Variants in KCNN2 observed in about 807,000 individuals in gnomAD.
KCNN2 encodes potassium calcium-activated channel subfamily N member 2.
In KCNN2, 24 loss-of-function variants were observed where a neutral mutation model predicts 55.5. The observed-to-expected ratio is 0.43, with a 90% CI of 0.31 to 0.61. The LOEUF is 0.61. Ranked by LOEUF, KCNN2 falls within the 20% of genes least tolerant of loss-of-function variation. The pLI, the probability that KCNN2 is intolerant of heterozygous loss-of-function variation, is 0.08. For missense variants in KCNN2, 754 were observed against 853.6 expected, an observed-to-expected ratio of 0.88 and a Z score of 1.45; for synonymous variants, 431 against 336.1, an observed-to-expected ratio of 1.28 and a Z score of -3.09.
At chr5:114,079,039 C>G (rs751587843) in intron 1 of KCNN2, among the ~76,000 whole-genome samples, 6 of 152,010 alleles carry the variant, frequency 3.9e-5, no homozygotes, top group Non-Finnish European at 7.4e-5. Context: ...TTTAATGACC[C>G]AAGTATATTG....
At chr5:114,103,220 A>G (rs1003477110) in intron 1 of KCNN2, among the ~76,000 whole-genome samples, 3 of 152,116 alleles carry the variant, frequency 2.0e-5, no homozygotes, top group African/African-American at 7.2e-5. Context: ...GAGTACACTC[A>G]TGATTTGGTT....
chr5:114,253,099 C>T (rs892468364), intron 2 of KCNN2, among the ~76,000 whole-genome samples: 1 of 149,284 alleles, frequency 6.7e-6, no homozygotes, highest in Non-Finnish European at 1.5e-5. Flanking sequence ...TCCATTTTTG[C>T]TCTTAGTAGA....
chr5:114,135,080 A>G (rs1051393014), intron 1 of KCNN2, among the ~76,000 whole-genome samples: 3 of 152,214 alleles, frequency 2.0e-5, no homozygotes, highest in Non-Finnish European at 4.4e-5. Context: ...ACAACGTCAG[A>G]AGCATTTTAA....
chr5:114,199,023 G>A (rs1753615874), intron 1 of KCNN2, among the ~76,000 whole-genome samples: 1 of 151,946 alleles, frequency 6.6e-6, no homozygotes, highest in African/African-American at 2.4e-5. Context: ...GCTATGAGTG[G>A]GGTATTAAAG....
intron 3 of KCNN2, among the ~76,000 whole-genome samples, chr5:114,449,908 A>ACACACACACACACG (rs1309590184): frequency 1.1e-4 from 7 of 66,182 alleles, no homozygotes; most frequent in African/African-American, 2.4e-4. Flanking sequence ...ACACACACAC[A>ACACACACACACACG]CGCGCGCGCT....
intron 2 of KCNN2, chr5:114,253,554 G>C (rs1293582822): frequency 1.9e-5 from 3 of 155,154 alleles, no homozygotes; most frequent in African/African-American, 4.8e-5. Flanking sequence ...TGAGTGCCAG[G>C]GTTGATTCAG....
Position 114,249,408 on chromosome 5 carries a change from TCC to T in KCNN2, c.-185+27845_-185+27846del, listed in dbSNP as rs1457935468. On this transcript the variant is annotated intron_variant, in intron 2 of 10. Transcript: ENST00000512097. ...GTTCAAGCCATCTCCTGCCTCAGCC[TCC>T]CAAGTAGCTGGGATTACAGGTGCGT... Among the ~76,000 whole-genome samples the T allele has an allele frequency of 2.6e-5, 4 of 151,854 alleles. No individual in the cohort carries two copies. In the East Asian group the frequency reaches 5.8e-4, roughly 22 times the overall value.
At chr5:114,212,867 T>C (rs985084621) in intron 1 of KCNN2, among the ~76,000 whole-genome samples, 2 of 152,064 alleles carry the variant, frequency 1.3e-5, no homozygotes, top group African/African-American at 2.4e-5. Context: ...CTCAAAACTT[T>C]TCTGATTTAT....
chr5:114,305,085 A>G (rs766110979), intron 2 of KCNN2, among the ~76,000 whole-genome samples: 21 of 152,238 alleles, frequency 1.4e-4, no homozygotes, highest in South Asian at 4.1e-4. Flanking sequence ...ATTCTTAACT[A>G]TAATAGGAGA....
intron 1 of KCNN2, among the ~76,000 whole-genome samples, chr5:114,077,604 C>T (rs919209788): frequency 6.6e-6 from 1 of 152,208 alleles, no homozygotes; most frequent in African/African-American, 2.4e-5. Flanking sequence ...CATTCCCTTC[C>T]TCCTTTCACA....
At chr5:114,354,609 A>G (rs1757266103) in intron 2 of KCNN2, among the ~76,000 whole-genome samples, 1 of 152,164 alleles carries the variant, frequency 6.6e-6, no homozygotes, top group Non-Finnish European at 1.5e-5. Flanking sequence ...ATCAAATAGC[A>G]TTGAAGTTTT....
intron 2 of KCNN2, among the ~76,000 whole-genome samples, chr5:114,303,931 C>T (rs1025990057): frequency 1.3e-5 from 2 of 152,096 alleles, no homozygotes; most frequent in African/African-American, 4.8e-5. Context: ...GCAGAGATGT[C>T]CTCTTGGCAG....
At position 114,248,196 on chromosome 5, in the gene KCNN2, AG is replaced by A. The variant is rs563591025; in HGVS notation, c.-185+26636del. 9.7e-4 allele frequency among the ~76,000 whole-genome samples: 148 copies of A among 152,296 alleles called. 2 individuals carry two copies. Among genetic ancestry groups the A allele is most frequent in the African/African-American group, 3.4e-3 (142 of 41,572 alleles). ...GACAGGAAAGAGGGAAGTGTATATT[AG>A]GGGGTTAGGATGATTCAAATACGCA... is the stretch of plus-strand genomic sequence containing the variant. On this transcript the variant is annotated intron_variant, in intron 2 of 10. Transcript: ENST00000512097.
chr5:114,255,021 T>C (rs1409440711), intron 2 of KCNN2, among the ~76,000 whole-genome samples: 2 of 152,114 alleles, frequency 1.3e-5, no homozygotes, highest in African/African-American at 4.8e-5. Context: ...GCACCAAAAA[T>C]GGAATGGCTC....
chr5:114,262,025 G>A (rs753174371), intron 2 of KCNN2, among the ~76,000 whole-genome samples: 6 of 152,136 alleles, frequency 3.9e-5, no homozygotes, highest in Admixed American at 3.9e-4. Context: ...GGGTGGCATG[G>A]CCTTTATTAA....
chr5:114,095,788 T>G (rs1035675932), intron 1 of KCNN2, among the ~76,000 whole-genome samples: 1 of 152,102 alleles, frequency 6.6e-6, no homozygotes, highest in African/African-American at 2.4e-5. Flanking sequence ...CTTAGACATA[T>G]CTCCTTGTGT....
rs531570118 is a variant in KCNN2, at chr5:114,288,321, T to C, written c.-185+66756T>C. Among the ~76,000 whole-genome samples, 4 of 152,318 alleles carry C rather than the reference T, an allele frequency of 2.6e-5. No individual in the cohort carries two copies. The East Asian group carries it at 7.7e-4, about 29-fold the overall frequency. The stretch of plus-strand genomic sequence containing the variant: ...TTACATGTAATTGTTTGAATACCAC[T>C]TTTCAATTATTTTTAAGTATATACT... On this transcript the variant is annotated intron_variant, in intron 2 of 10. Transcript: ENST00000512097.
At chr5:114,331,299 G>A (rs1756817931) in intron 2 of KCNN2, among the ~76,000 whole-genome samples, 2 of 152,198 alleles carry the variant, frequency 1.3e-5, no homozygotes, top group East Asian at 3.9e-4. Context: ...GCTGAAAGTA[G>A]AAGATGCGGT....
At chr5:114,424,686 A>AG (rs1442126963) in intron 3 of KCNN2, among the ~76,000 whole-genome samples, 4 of 152,218 alleles carry the variant, frequency 2.6e-5, no homozygotes, top group Non-Finnish European at 4.4e-5. Context: ...GCTAGTGGGG[A>AG]GGGGTCTCCA....
Sources: gnomAD v4.1 joint callset for allele counts (sites outside exome capture counted in the v4.1 genomes callset) on GRCh38, gnomAD v4.1.1 for gene constraint, MANE v1.5 for transcripts, NCBI Gene and HGNC (gene_info 2026-07-23, HGNC 2026-07-21) for gene names.